The following AMOTL1 variants were observed in gnomAD, a reference collection of about 807,000 sequenced individuals.
The protein encoded by AMOTL1 is angiomotin-like protein 1.
A neutral mutation model predicts 102.9 loss-of-function variants in AMOTL1; 45 were observed. That is an observed-to-expected ratio of 0.44 (90% confidence interval 0.34 to 0.56). The LOEUF is 0.56. AMOTL1 is among the 20% of genes least tolerant of loss of function. The probability of loss-of-function intolerance (pLI) is 0.01; values close to 1 mark genes in which losing one functional copy is unlikely to be tolerated. For missense variants in AMOTL1, 1,114 were observed against 1,225.6 expected (o/e 0.91, Z 1.36); for synonymous variants, 481 against 484.7 (o/e 0.99, Z 0.10).
intron 1 of AMOTL1, among the ~76,000 whole-genome samples, chr11:94,710,139 A>T (rs1022427464): frequency 2.0e-5 from 3 of 152,132 alleles, no homozygotes; most frequent in Non-Finnish European, 4.4e-5. Context: ...TGCCTGCTAT[A>T]TTGGCTGTGC....
intron 2 of AMOTL1, chr11:94,740,412 AGGCCGCGCGCGCCTCTGCGGAGCGTGAC>A (rs1211210741): frequency 6.6e-6 from 1 of 152,106 alleles, no homozygotes; most frequent in Non-Finnish European, 1.5e-5. Flanking sequence ...GGGAGTTGGG[AGGCCGCGCGCGCCTCTGCGGAGCGTGAC>A]GGCCACGGTC....
intron 1 of AMOTL1, among the ~76,000 whole-genome samples, chr11:94,787,436 A>T (rs1951208276): frequency 6.6e-6 from 1 of 152,202 alleles, no homozygotes; most frequent in African/African-American, 2.4e-5. Flanking sequence ...TAAGATACAA[A>T]ACAAACACTT....
At chr11:94,741,909 GTTTAT>G (rs1295800132) in intron 3 of AMOTL1, among the ~76,000 whole-genome samples, 1 of 152,192 alleles carries the variant, frequency 6.6e-6, no homozygotes, top group Non-Finnish European at 1.5e-5. Flanking sequence ...GTTTAAATAT[GTTTAT>G]CCTCAGTAAC....
chr11:94,830,002 C>CTT (rs766710880), intron 4 of AMOTL1, 48 bp from the exon 5 acceptor site: 214 of 1,527,106 alleles, frequency 1.4e-4, no homozygotes, highest in Non-Finnish European at 1.6e-4. Flanking sequence ...ACCAAGACAC[C>CTT]AGCATGAATG....
chr11:94,868,226 A>C (rs964858513), intron 11 of AMOTL1, among the ~76,000 whole-genome samples: 2 of 152,240 alleles, frequency 1.3e-5, no homozygotes, highest in Non-Finnish European at 2.9e-5. Flanking sequence ...GGGCACCTTA[A>C]AACAGCTCTG....
chr11:94,774,430 T>C (rs1486754602), intron 1 of AMOTL1, among the ~76,000 whole-genome samples: 1 of 152,186 alleles, frequency 6.6e-6, no homozygotes, highest in African/African-American at 2.4e-5. Context: ...TTATGGTGCT[T>C]GGTACTGTAG....
At chr11:94,802,159 G>A (rs1037671935) in intron 3 of AMOTL1, among the ~76,000 whole-genome samples, 1 of 152,156 alleles carries the variant, frequency 6.6e-6, no homozygotes, top group African/African-American at 2.4e-5. Context: ...TCCCTAAGTG[G>A]GCATAACCGG....
At chr11:94,820,804 A>G (rs994008078) in intron 3 of AMOTL1, among the ~76,000 whole-genome samples, 1 of 152,094 alleles carries the variant, frequency 6.6e-6, no homozygotes, top group Non-Finnish European at 1.5e-5. Flanking sequence ...GGAACAAACA[A>G]CCTAGATCCC....
intron 3 of AMOTL1, among the ~76,000 whole-genome samples, chr11:94,803,462 T>G (rs946523015): frequency 2.0e-5 from 3 of 152,112 alleles, no homozygotes; most frequent in African/African-American, 7.2e-5. Flanking sequence ...AGGGAACATG[T>G]GTTGGCTAGG....
At chr11:94,728,907 A>T in intron 1 of AMOTL1, 2 of 1,146,498 alleles carry the variant, frequency 1.7e-6, no homozygotes, top group Admixed American at 5.2e-5. Flanking sequence ...TTTTATATTC[A>T]TTATTTATTT....
At position 94,875,369 on chromosome 11, in the gene AMOTL1, A is replaced by G. The variant is rs1308605310; in HGVS notation, c.*4574A>G. ...TTCTCACTTAGTAATTTAATGGTAT[A>G]TAAAGACATGTGTATAAGTGAGTGC... is the stretch of plus-strand genomic sequence containing the variant. On this transcript the variant is annotated 3_prime_UTR_variant, in exon 13 of 13. Transcript: ENST00000433060. 1 of 152,234 alleles carries G rather than the reference A, an allele frequency of 6.6e-6. No individual in the cohort carries two copies. The highest frequency in any genetic ancestry group is 2.4e-5 in the African/African-American group (1 of 41,460). The allele number at this position is 152,234 out of a possible 1,614,324, so 9.4% of individuals were successfully genotyped here.
intron 1 of AMOTL1, among the ~76,000 whole-genome samples, chr11:94,717,779 G>A (rs1591886501): frequency 6.6e-6 from 1 of 151,524 alleles, no homozygotes; most frequent in South Asian, 2.1e-4. Flanking sequence ...ATAGAAAAAA[G>A]ATCAAAATAT....
intron 1 of AMOTL1, among the ~76,000 whole-genome samples, chr11:94,794,169 G>C (rs1320002675): frequency 2.6e-5 from 4 of 152,160 alleles, no homozygotes; most frequent in Non-Finnish European, 5.9e-5. Context: ...TTTTAAAAAA[G>C]TACTATGATT....
chr11:94,736,444 G>A (rs1950439944), intron 2 of AMOTL1, among the ~76,000 whole-genome samples: 1 of 152,076 alleles, frequency 6.6e-6, no homozygotes, highest in African/African-American at 2.4e-5. Flanking sequence ...TAGAGATGGA[G>A]TTTCACCATG....
intron 6 of AMOTL1, 91 bp downstream of exon 6, chr11:94,831,632 T>C: frequency 8.7e-7 from 1 of 1,143,966 alleles, no homozygotes; most frequent in South Asian, 1.4e-5. Flanking sequence ...GTGGGTTTTG[T>C]GCTGTTTGCT....
intron 3 of AMOTL1, among the ~76,000 whole-genome samples, chr11:94,800,782 A>G (rs1951463052): frequency 6.6e-6 from 1 of 152,228 alleles, no homozygotes; most frequent in Admixed American, 6.5e-5. Context: ...CAGATGAGAA[A>G]CTAAAGCCTG....
At chr11:94,819,258 G>A (rs538928741) in intron 3 of AMOTL1, among the ~76,000 whole-genome samples, 1 of 152,264 alleles carries the variant, frequency 6.6e-6, no homozygotes, top group East Asian at 1.9e-4. Context: ...GCTGGGAACT[G>A]CATCAGGCAA....
At chr11:94,812,418 C>G (rs1307571162) in intron 3 of AMOTL1, among the ~76,000 whole-genome samples, 1 of 152,196 alleles carries the variant, frequency 6.6e-6, no homozygotes. Context: ...TAGCTTTCAA[C>G]TGAATACACA....
intron 6 of AMOTL1, among the ~76,000 whole-genome samples, chr11:94,841,644 G>A (rs1446722140): frequency 6.6e-6 from 1 of 152,224 alleles, no homozygotes; most frequent in Non-Finnish European, 1.5e-5. Context: ...TGTCAGCAGT[G>A]ATGTCGAAGT....
Sources: gnomAD v4.1 joint callset for allele counts (sites outside exome capture counted in the v4.1 genomes callset) on GRCh38, gnomAD v4.1.1 for gene constraint, MANE v1.5 for transcripts, NCBI Gene and HGNC (gene_info 2026-07-23, HGNC 2026-07-21) for gene names.